Variants in KRT17 observed in about 807,000 individuals in gnomAD.
The protein encoded by KRT17 is keratin 17.
In KRT17, 29 loss-of-function variants were observed where a neutral mutation model predicts 45.6. The ratio of observed to expected loss-of-function variants is 0.64; its 90% CI spans 0.47 to 0.87. The LOEUF is 0.87. KRT17 is among the 40% of genes least tolerant of loss of function. KRT17 has a pLI of 0.00. For missense variants in KRT17, 536 were observed against 577.8 expected (o/e 0.93, Z 0.74); for synonymous variants, 219 against 234.6 (o/e 0.93, Z 0.61).
At chr17:41,619,729 G>A in intron 7 of KRT17, 41 bp from the exon 8 acceptor site, 3 of 1,611,634 alleles carry the variant, frequency 1.9e-6, no homozygotes, top group Non-Finnish European at 2.5e-6. Context: ...TAGGGGCCAG[G>A]AGGCCCTCGC....
At chr17:41,623,070 G>A (rs1463391769) in intron 1 of KRT17, 38 bp from the exon 2 acceptor site, 1 of 1,507,694 alleles carries the variant, frequency 6.6e-7, no homozygotes, top group Non-Finnish European at 9.2e-7. Context: ...ATTGGATGGG[G>A]GTGGCTGAGC....
At position 41,622,832 on chromosome 17, in the gene KRT17, C is replaced by A; in HGVS notation, c.515+118G>T. On this transcript the variant is annotated intron_variant, in intron 2 of 7. Transcript: ENST00000311208. ...TAAGGAGTGGGGCTCCTAGGACTGC[C>A]CCACCCTGAGCTCCTGGGCCTTGCC... The A allele has an allele frequency of 1.0e-5, 9 of 901,880 alleles. 1 individual carries two copies. The South Asian group carries it at 1.1e-4, about 11-fold the overall frequency. The allele number at this position is 901,880 out of a possible 1,614,324, so 55.9% of individuals were successfully genotyped here.
chr17:41,620,510 A>T (rs762642747), intron 7 of KRT17, 26 bp downstream of exon 7: 9 of 1,611,580 alleles, frequency 5.6e-6, no homozygotes, highest in Admixed American at 5.0e-5. Context: ...CCCAACCCCC[A>T]GGGCCGAAGC....
Position 41,621,762 on chromosome 17 carries a change from A to G in KRT17, c.673-8T>C, listed in dbSNP as rs751493934. The G allele has an allele frequency of 1.9e-6, 3 of 1,611,982 alleles. No individual in the cohort carries two copies. The South Asian group carries it at 3.3e-5, about 18-fold the overall frequency. ...TCGCAGGGCGTTCATCTCCTATGGA[A>G]AAAGGGGATGTGGATGTGCGCATCT... is the stretch of plus-strand genomic sequence containing the variant. On this transcript the variant is annotated splice_polypyrimidine_tract_variant and splice_region_variant and intron_variant, in intron 3 of 7. Transcript: ENST00000311208.
At chr17:41,621,816 C>T in intron 3 of KRT17, 62 bp from the exon 4 acceptor site, 2 of 1,602,404 alleles carry the variant, frequency 1.2e-6, no homozygotes, top group East Asian at 4.5e-5. Context: ...CACTCCCAAG[C>T]CTTCCCCCAC....
intron 1 of KRT17, 120 bp from the exon 2 acceptor site, chr17:41,623,152 T>A: frequency 1.3e-6 from 1 of 789,742 alleles, no homozygotes; most frequent in Admixed American, 2.0e-5. Context: ...CCTTGCCCCG[T>A]GCTGTATTAT....
chr17:41,623,301 C>T, intron 1 of KRT17: 1 of 429,692 alleles, frequency 2.3e-6, no homozygotes, highest in Non-Finnish European at 4.4e-6. Flanking sequence ...ATGAGGCAAC[C>T]AGAAAAGAAT....
Position 41,620,656 on chromosome 17 carries a change from C to T in KRT17, c.1181+3G>A, listed in dbSNP as rs1908505330. Reference sequence around the variant, plus strand: ...AGCCCTGACCCCAGGCGCCCCCACTCACTGGGCATCCTCTCCCTCCAGCAG... The same window carrying T: ...AGCCCTGACCCCAGGCGCCCCCACTTACTGGGCATCCTCTCCCTCCAGCAG... On this transcript the variant is annotated splice_donor_region_variant and intron_variant, in intron 6 of 7. Coordinates refer to ENST00000311208, the MANE Select transcript of KRT17 (RefSeq NM_000422.3). 5 of 1,612,094 alleles carry T rather than the reference C, an allele frequency of 3.1e-6. No homozygotes were observed. Among genetic ancestry groups the T allele is most frequent in the Non-Finnish European group, 4.2e-6 (5 of 1,179,862 alleles).
In KRT17 at chr17:41,624,439, G is replaced by A. The variant is rs367544262; in HGVS notation, c.71C>T (p.Ser24Leu). The A allele has an allele frequency of 3.0e-5, 49 of 1,610,100 alleles. No individual in the cohort carries two copies. The highest frequency in any genetic ancestry group is 1.8e-4 in the East Asian group (8 of 44,866). Residue 24 changes from serine (S) to leucine (L), a missense_variant, in exon 1 of 8, where the codon TCG (serine) becomes TTG (leucine). Transcript: ENST00000311208. The stretch of plus-strand genomic sequence containing the variant: ...AGACAGCCGGCAGGAGGTGCGGGAC[G>A]AGCCGCCCCCCAGGCCGGAGGAGCC... ...IKGSSGLGGG[S>L]SRTSCRLSGG...
At chr17:41,620,316 T>C in intron 7 of KRT17, 3 of 985,252 alleles carry the variant, frequency 3.0e-6, no homozygotes, top group Non-Finnish European at 3.6e-6. Flanking sequence ...ATCTCCAAGG[T>C]AAGGACCAGT....
At chr17:41,620,590 A>T in intron 6 of KRT17, 32 bp from the exon 7 acceptor site, 1 of 1,610,460 alleles carries the variant, frequency 6.2e-7, no homozygotes, top group Non-Finnish European at 8.5e-7. Context: ...AGAGGAAATT[A>T]GATGTGGGTC....
chr17:41,622,544 T>G, intron 2 of KRT17, 33 bp from the exon 3 acceptor site: 1 of 1,612,186 alleles, frequency 6.2e-7, no homozygotes, highest in Non-Finnish European at 8.5e-7. Flanking sequence ...CAGCCCAGGC[T>G]GCTTGGACCT....
At chr17:41,619,987 C>T in intron 7 of KRT17, 3 of 985,420 alleles carry the variant, frequency 3.0e-6, no homozygotes, top group Non-Finnish European at 3.6e-6. Flanking sequence ...TGAAATCCGT[C>T]TCCATTTCTC....
chr17:41,621,097 G>C lies in KRT17; in HGVS notation c.835-6C>G, dbSNP rs1317208765. 7.4e-6 allele frequency: 12 copies of C among 1,613,676 alleles called. No individual in the cohort carries two copies. Among genetic ancestry groups the C allele is most frequent in the Admixed American group, 1.7e-5 (1 of 59,992 alleles). ...TCGCGGTTCAGTTCCTCTGTCTGCA[G>C]ACAGGACACAGGACAGGGCGGTGTG... On this transcript the variant is annotated splice_region_variant and splice_polypyrimidine_tract_variant and intron_variant, in intron 4 of 7. Coordinates refer to ENST00000311208, the MANE Select transcript of KRT17 (RefSeq NM_000422.3).
chr17:41,624,429 G>A lies in KRT17; in HGVS notation c.81C>T (p.Thr27=). ...CCAGGCCGCCAGACAGCCGGCAGGA[G>A]GTGCGGGACGAGCCGCCCCCCAGGC... ...SSGLGGGSSR[T]SCRLSGGLGA... Residue 27 remains threonine, a synonymous_variant, in exon 1 of 8, where the codon ACC becomes ACT. Transcript: ENST00000311208. The A allele has an allele frequency of 6.2e-7, 1 of 1,610,178 alleles. No homozygotes were observed. The highest frequency in any genetic ancestry group is 8.5e-7 in the Non-Finnish European group (1 of 1,179,304).
rs1908595095 is a variant in KRT17 at position 41,622,943 on chromosome 17, G to A, written c.515+7C>T. On this transcript the variant is annotated splice_region_variant and intron_variant, in intron 2 of 7. Transcript: ENST00000311208. ...CCAGGCTGCCCAAGGCCACAGCTAG[G>A]ACTCACTTGGTGCGGAAGTCATCAG... The A allele has an allele frequency of 6.2e-7, 1 of 1,610,756 alleles. No individual in the cohort carries two copies. The highest frequency in any genetic ancestry group is 1.3e-5 in the African/African-American group (1 of 74,842).
intron 5 of KRT17, 23 bp downstream of exon 5, chr17:41,620,943 C>G: frequency 6.2e-7 from 1 of 1,614,110 alleles, no homozygotes; most frequent in Non-Finnish European, 8.5e-7. Context: ...TGGGCCCTCC[C>G]CCATGCACAG....
At position 41,620,679 on chromosome 17, in the gene KRT17, C is replaced by A. The variant is rs759581640; in HGVS notation, c.1161G>T (p.Leu387=). Residue 387 remains leucine (L), a synonymous_variant, in exon 6 of 8, where the codon CTG becomes CTT. Transcript: ENST00000311208. ...CTCACTGGGCATCCTCTCCCTCCAGCAGGCGGCGGTAGGTGGCAATCTCCT... is the reference window on the plus strand; with the variant it reads ...CTCACTGGGCATCCTCTCCCTCCAGAAGGCGGCGGTAGGTGGCAATCTCCT... ...LEQEIATYRR[L]LEGEDAHLTQ... The A allele has an allele frequency of 6.2e-7, 1 of 1,612,172 alleles. No homozygotes were observed. The highest frequency in any genetic ancestry group is 8.5e-7 in the Non-Finnish European group (1 of 1,179,864).
chr17:41,622,603 T>C (rs1908580141), intron 2 of KRT17, 92 bp from the exon 3 acceptor site: 2 of 1,481,024 alleles, frequency 1.4e-6, no homozygotes. Context: ...GCCAGGACTC[T>C]AAGGAGTTGG....
Sources: gnomAD v4.1 joint callset for allele counts on GRCh38, gnomAD v4.1.1 for gene constraint, MANE v1.5 for transcripts, NCBI Gene and HGNC (gene_info 2026-07-23, HGNC 2026-07-21) for gene names.